The following DCC variants were observed in gnomAD, a reference collection of about 807,000 sequenced individuals.
DCC encodes netrin receptor DCC.
In DCC, 58 loss-of-function variants were observed where a neutral mutation model predicts 172.5. The ratio of observed to expected loss-of-function variants is 0.34; its 90% CI spans 0.27 to 0.42. DCC has a LOEUF of 0.42. DCC is among the 10% of genes least tolerant of loss of function. The probability of loss-of-function intolerance (pLI) is 1.00; values close to 1 mark genes in which losing one functional copy is unlikely to be tolerated. For synonymous variants in DCC, 709 were observed against 644.5 expected, an observed-to-expected ratio of 1.10 and a Z score of -1.52; for missense variants, 1,740 against 1,791.0, an observed-to-expected ratio of 0.97 and a Z score of 0.51.
At chr18:52,463,040 A>T (rs942619708) in intron 1 of DCC, among the ~76,000 whole-genome samples, 3 of 152,104 alleles carry the variant, frequency 2.0e-5, no homozygotes, top group Admixed American at 1.3e-4. Context: ...TCTTTCATAT[A>T]CTCAGCATGC....
rs367789479 is a variant in DCC at position 52,372,234 on chromosome 18, G to T, written c.91+31356G>T. Among the ~76,000 whole-genome samples the T allele has an allele frequency of 1.6e-4, 25 of 152,326 alleles. No homozygotes were observed. In the East Asian group the frequency reaches 3.1e-3, roughly 19 times the overall value. On this transcript the variant is annotated intron_variant, in intron 1 of 28. Transcript: ENST00000442544. ...TTTCTGTACGAGAGTAGTAACCTCT[G>T]CATAATACTAGACCCCGTGTAGCTG...
At chr18:53,171,987 G>T (rs1266280165) in intron 8 of DCC, among the ~76,000 whole-genome samples, 1 of 152,030 alleles carries the variant, frequency 6.6e-6, no homozygotes, top group African/African-American at 2.4e-5. Flanking sequence ...ATTCCTGAAA[G>T]AACTTAAAAC....
At chr18:52,982,380 C>T (rs910252304) in intron 5 of DCC, among the ~76,000 whole-genome samples, 7 of 152,138 alleles carry the variant, frequency 4.6e-5, no homozygotes, top group Non-Finnish European at 7.4e-5. Context: ...AAGAGTTTCT[C>T]TTCTAAGGCC....
At chr18:53,514,318 T>G (rs1349778686) in intron 27 of DCC, among the ~76,000 whole-genome samples, 1 of 151,486 alleles carries the variant, frequency 6.6e-6, no homozygotes, top group African/African-American at 2.4e-5. Flanking sequence ...AGAGGGAAAT[T>G]TATAGCACTA....
chr18:52,687,482 A>G (rs954836476), intron 1 of DCC, among the ~76,000 whole-genome samples: 2 of 151,734 alleles, frequency 1.3e-5, no homozygotes, highest in Admixed American at 6.6e-5. Context: ...ACAAGGTTTC[A>G]CCATGTTGGC....
At chr18:53,418,142 G>T (rs573197566) in intron 21 of DCC, among the ~76,000 whole-genome samples, 26 of 152,222 alleles carry the variant, frequency 1.7e-4, no homozygotes, top group African/African-American at 6.0e-4. Context: ...GTCATGGTTG[G>T]CATGTAGTTA....
intron 5 of DCC, among the ~76,000 whole-genome samples, chr18:53,015,513 CAGTAAT>C (rs543226978): frequency 7.0e-4 from 107 of 152,178 alleles, no homozygotes; most frequent in Non-Finnish European, 1.4e-3. Context: ...ATGTGAGTGA[CAGTAAT>C]ATTTAGAGGG....
intron 15 of DCC, among the ~76,000 whole-genome samples, chr18:53,378,843 A>G (rs1438407301): frequency 1.3e-5 from 2 of 152,188 alleles, no homozygotes; most frequent in Non-Finnish European, 2.9e-5. Context: ...ATGAGAAAAC[A>G]TGTCATAAAC....
At chr18:53,476,986 A>C (rs2045770944) in intron 25 of DCC, among the ~76,000 whole-genome samples, 1 of 152,212 alleles carries the variant, frequency 6.6e-6, no homozygotes, top group South Asian at 2.1e-4. Context: ...AAATTATTTT[A>C]ACATATAAAC....
intron 1 of DCC, among the ~76,000 whole-genome samples, chr18:52,388,771 T>C (rs911692176): frequency 1.3e-5 from 2 of 152,086 alleles, no homozygotes; most frequent in African/African-American, 4.8e-5. Context: ...AGGGGATGAG[T>C]ATATTTTGGA....
At chr18:53,092,787 T>C (rs528999307) in intron 7 of DCC, among the ~76,000 whole-genome samples, 1 of 152,152 alleles carries the variant, frequency 6.6e-6, no homozygotes, top group Non-Finnish European at 1.5e-5. Context: ...TCCTTCCATA[T>C]ACCAATCCAG....
chr18:52,825,849 T>C lies in DCC; in HGVS notation c.412+73475T>C, dbSNP rs978025698. The stretch of plus-strand genomic sequence containing the variant: ...GCTCACATTTTTCTAATGTGACATA[T>C]GGTTGGTTTCAAATGCATGCCCAGG... On this transcript the variant is annotated intron_variant, in intron 2 of 28. Transcript: ENST00000442544. 3.9e-5 allele frequency among the ~76,000 whole-genome samples: 6 copies of C among 152,330 alleles called. No homozygotes were observed. The East Asian group carries it at 5.8e-4, about 15-fold the overall frequency.
At chr18:52,430,297 C>T (rs550082219) in intron 1 of DCC, among the ~76,000 whole-genome samples, 1 of 151,980 alleles carries the variant, frequency 6.6e-6, no homozygotes, top group Admixed American at 6.6e-5. Flanking sequence ...GAGGGTGCTG[C>T]AATGGTTCAG....
intron 14 of DCC, among the ~76,000 whole-genome samples, chr18:53,330,859 G>C (rs533359008): frequency 5.3e-5 from 8 of 152,242 alleles, no homozygotes; most frequent in Middle Eastern, 3.4e-3. Flanking sequence ...AACACATTTT[G>C]ACACTCTTCT....
intron 1 of DCC, among the ~76,000 whole-genome samples, chr18:52,578,579 T>A (rs2033470932): frequency 6.6e-6 from 1 of 152,234 alleles, no homozygotes; most frequent in Admixed American, 6.5e-5. Context: ...GTTTTCTTTT[T>A]AGCATCCTTT....
intron 1 of DCC, among the ~76,000 whole-genome samples, chr18:52,598,819 A>G (rs2033959109): frequency 6.6e-6 from 1 of 152,076 alleles, no homozygotes; most frequent in Non-Finnish European, 1.5e-5. Context: ...TCAAGGCTCT[A>G]GTATGTTTGG....
At chr18:53,031,405 T>G (rs2042023765) in intron 5 of DCC, among the ~76,000 whole-genome samples, 1 of 145,288 alleles carries the variant, frequency 6.9e-6, no homozygotes, top group Admixed American at 7.3e-5. Flanking sequence ...TTTTTTTCAC[T>G]CTAAAATATT....
intron 1 of DCC, among the ~76,000 whole-genome samples, chr18:52,502,389 C>T (rs937705079): frequency 7.9e-5 from 12 of 152,158 alleles, no homozygotes; most frequent in African/African-American, 2.9e-4. Context: ...TTCTACCAGC[C>T]TTTCCTACGA....
chr18:53,527,996 T>C (rs1461298840), intron 28 of DCC, among the ~76,000 whole-genome samples: 1 of 152,156 alleles, frequency 6.6e-6, no homozygotes, highest in Non-Finnish European at 1.5e-5. Flanking sequence ...GTTTTCTTCA[T>C]GCATAAATGA....
Sources: allele counts gnomAD v4.1 joint callset (sites outside exome capture counted in the v4.1 genomes callset), GRCh38; gene constraint gnomAD v4.1.1; transcripts MANE v1.5; gene names NCBI Gene and HGNC (gene_info 2026-07-23, HGNC 2026-07-21).